CLVS1: variants seen among roughly 807,000 people sequenced by gnomAD.
CLVS1 encodes clavesin 1.
A neutral mutation model predicts 33.1 loss-of-function variants in CLVS1; 10 were observed. The observed-to-expected ratio is 0.30, with a 90% CI of 0.19 to 0.51. The LOEUF (loss-of-function observed/expected upper bound fraction) is 0.51, where lower values mean the gene tolerates loss of function less well. Among genes scored for constraint, CLVS1 ranks in the 20% least tolerant of loss-of-function variants. The pLI is 0.97. For synonymous variants in CLVS1, 163 were observed against 166.1 expected (o/e 0.98, Z 0.14); for missense variants, 343 against 433.4 (o/e 0.79, Z 1.85).
intron 1 of CLVS1, among the ~76,000 whole-genome samples, chr8:61,124,202 G>A (rs931181649): frequency 3.3e-5 from 5 of 152,174 alleles, no homozygotes; most frequent in African/African-American, 1.2e-4. Flanking sequence ...GAACAACACT[G>A]CAAAATCCAG....
chr8:61,376,970 A>G, intron 3 of CLVS1, 191 bp downstream of exon 3: 2 of 528,722 alleles, frequency 3.8e-6, no homozygotes, highest in Non-Finnish European at 3.3e-6. Flanking sequence ...ATTTTCATTA[A>G]TAACTCCAAA....
the CLVS1 span, among the ~76,000 whole-genome samples, chr8:61,004,704 C>A: frequency 6.6e-6 from 1 of 152,164 alleles, no homozygotes; most frequent in East Asian, 1.9e-4. Context: ...CCTGGAGGAG[C>A]CGGCAGCAGG....
At chr8:61,227,127 TG>T (rs1437095668) in intron 2 of CLVS1, among the ~76,000 whole-genome samples, 3 of 152,054 alleles carry the variant, frequency 2.0e-5, no homozygotes, top group African/African-American at 7.3e-5. Context: ...TGTCAATAGG[TG>T]GACAATGTTT....
intron 2 of CLVS1, among the ~76,000 whole-genome samples, chr8:61,351,770 G>A (rs1812474883): frequency 6.6e-6 from 1 of 151,870 alleles, no homozygotes; most frequent in African/African-American, 2.4e-5. Context: ...GCAGAAGGAG[G>A]AGGTACAACA....
At chr8:61,017,371 T>C in the CLVS1 span, among the ~76,000 whole-genome samples, 1 of 152,248 alleles carries the variant, frequency 6.6e-6, no homozygotes, top group Non-Finnish European at 1.5e-5. Flanking sequence ...ACAGTGCTGC[T>C]AAATGCCATA....
At chr8:61,180,650 A>T (rs1235968882) in intron 2 of CLVS1, among the ~76,000 whole-genome samples, 3 of 152,214 alleles carry the variant, frequency 2.0e-5, no homozygotes, top group African/African-American at 7.2e-5. Context: ...CATGATCAAG[A>T]TGGTTTCATC....
chr8:61,407,344 T>C (rs1815033199), intron 3 of CLVS1, among the ~76,000 whole-genome samples: 1 of 152,256 alleles, frequency 6.6e-6, no homozygotes, highest in Admixed American at 6.5e-5. Context: ...AAAAGGGATG[T>C]TAAACCTCAT....
In CLVS1 at chr8:61,500,654, T is replaced by C. The variant is rs1474300560; in HGVS notation, c.*1112T>C. On this transcript the variant is annotated 3_prime_UTR_variant, in exon 6 of 6. Transcript: ENST00000325897. ...TCAGACATAAAATAAACAGACATCA[T>C]ATATGATATCCTTACTTGTGCCATG... 1 of 152,210 alleles carries C rather than the reference T, an allele frequency of 6.6e-6. No individual in the cohort carries two copies. The highest frequency in any genetic ancestry group is 1.5e-5 in the Non-Finnish European group (1 of 68,042). The allele number at this position is 152,210 out of a possible 1,614,324, so 9.4% of individuals were successfully genotyped here.
chr8:61,066,353 C>T (rs1412893413), intron 1 of CLVS1, among the ~76,000 whole-genome samples: 3 of 152,050 alleles, frequency 2.0e-5, no homozygotes, highest in African/African-American at 7.3e-5. Flanking sequence ...TTAAAATTAG[C>T]CAGGTGTGAT....
chr8:61,126,666 T>G (rs1277503742), intron 1 of CLVS1, among the ~76,000 whole-genome samples: 5 of 152,208 alleles, frequency 3.3e-5, no homozygotes, highest in African/African-American at 1.2e-4. Flanking sequence ...GTTGACTCAT[T>G]GTATTTAAAG....
intron 3 of CLVS1, among the ~76,000 whole-genome samples, chr8:61,407,185 C>G (rs1427637962): frequency 1.3e-5 from 2 of 152,102 alleles, no homozygotes; most frequent in Admixed American, 1.3e-4. Context: ...TGGTTGATGC[C>G]TAACATATGA....
chr8:61,387,217 A>G (rs1837525), intron 3 of CLVS1, among the ~76,000 whole-genome samples: 103,529 of 151,804 alleles, frequency 0.68, 36,091 homozygotes, highest in Non-Finnish European at 0.75. Context: ...GTGAAACTCC[A>G]TCTCTACTAA....
chr8:61,268,829 CTG>C (rs1404148061), intron 2 of CLVS1, among the ~76,000 whole-genome samples: 3 of 69,202 alleles, frequency 4.3e-5, no homozygotes, highest in Non-Finnish European at 7.9e-5. Context: ...TGAGAAGTGT[CTG>C]TTCATGTCCT....
At chr8:61,011,910 G>A in the CLVS1 span, among the ~76,000 whole-genome samples, 65 of 152,344 alleles carry the variant, frequency 4.3e-4, 1 homozygote, top group Admixed American at 4.1e-3. Flanking sequence ...GGCGATCTGC[G>A]TCTGTTTACC....
intron 2 of CLVS1, among the ~76,000 whole-genome samples, chr8:61,352,054 T>C (rs531706074): frequency 6.6e-6 from 1 of 152,152 alleles, no homozygotes; most frequent in East Asian, 1.9e-4. Flanking sequence ...CTCATGAGTT[T>C]TATAAATCAT....
At chr8:61,268,448 G>T (rs1008905246) in intron 2 of CLVS1, among the ~76,000 whole-genome samples, 2 of 151,496 alleles carry the variant, frequency 1.3e-5, no homozygotes, top group African/African-American at 4.9e-5. Flanking sequence ...CCAAGTCTTT[G>T]CTATGGTGAA....
intron 3 of CLVS1, among the ~76,000 whole-genome samples, chr8:61,400,938 A>G (rs1814723873): frequency 6.6e-6 from 1 of 151,942 alleles, no homozygotes; most frequent in Admixed American, 6.6e-5. Context: ...GTTTGCCAGT[A>G]TTTTGTTGAG....
intron 2 of CLVS1, among the ~76,000 whole-genome samples, chr8:61,308,596 T>C (rs2129595286): frequency 6.6e-6 from 1 of 152,258 alleles, no homozygotes; most frequent in Non-Finnish European, 1.5e-5. Flanking sequence ...TAGCATCCCC[T>C]CTTCCGGGCA....
chr8:60,969,804 TA>T, the CLVS1 span, among the ~76,000 whole-genome samples: 2 of 152,016 alleles, frequency 1.3e-5, no homozygotes, highest in African/African-American at 4.8e-5. Context: ...AAATTAAAAA[TA>T]AAACAAATAA....
Sources: allele counts gnomAD v4.1 joint callset (sites outside exome capture counted in the v4.1 genomes callset), GRCh38; gene constraint gnomAD v4.1.1; transcripts MANE v1.5; gene names NCBI Gene and HGNC (gene_info 2026-07-23, HGNC 2026-07-21).